The following EFCAB5 variants were observed in gnomAD, a reference collection of about 807,000 sequenced individuals.
The protein encoded by EFCAB5 is EF-hand calcium-binding domain-containing protein 5.
EFCAB5 carries 131 observed loss-of-function variants against 167.9 expected under a neutral mutation model. The observed-to-expected ratio is 0.78, with a 90% confidence interval of 0.68 to 0.90. The LOEUF (loss-of-function observed/expected upper bound fraction) is 0.90. EFCAB5 is among the 40% of genes least tolerant of loss of function. The pLI is 0.00. For missense variants in EFCAB5, 1,663 were observed against 1,745.2 expected, an observed-to-expected ratio of 0.95 and a Z score of 0.84; for synonymous variants, 574 against 602.8, an observed-to-expected ratio of 0.95 and a Z score of 0.70.
intron 22 of EFCAB5, among the ~76,000 whole-genome samples, chr17:30,107,273 T>G (rs895189306): frequency 2.6e-5 from 4 of 152,226 alleles, no homozygotes; most frequent in Non-Finnish European, 4.4e-5. Context: ...AACATGCAAG[T>G]ATAGAGAATA....
chr17:30,092,296 C>A (rs1417758024), intron 21 of EFCAB5, 139 bp downstream of exon 21: 1 of 911,780 alleles, frequency 1.1e-6, no homozygotes. Flanking sequence ...CGTAACCAGA[C>A]CTAGATCAAG....
chr17:29,959,779 T>G (rs988045257), intron 3 of EFCAB5, among the ~76,000 whole-genome samples: 1 of 152,136 alleles, frequency 6.6e-6, no homozygotes, highest in South Asian at 2.1e-4. Flanking sequence ...AGCTACGAGC[T>G]GCACTGTCTG....
intron 4 of EFCAB5, among the ~76,000 whole-genome samples, chr17:29,987,204 G>T (rs534315014): frequency 6.6e-6 from 1 of 152,168 alleles, no homozygotes; most frequent in Admixed American, 6.5e-5. Flanking sequence ...ACACCTTCTT[G>T]ATCTGTCCCC....
At chr17:29,996,597 T>C (rs146171833) in intron 6 of EFCAB5, among the ~76,000 whole-genome samples, 521 of 152,330 alleles carry the variant, frequency 3.4e-3, no homozygotes, top group Admixed American at 9.0e-3. Context: ...TACTCTTTTA[T>C]TATCCTATGA....
At chr17:30,048,541 C>T in intron 8 of EFCAB5, among the ~76,000 whole-genome samples, 1 of 150,406 alleles carries the variant, frequency 6.6e-6, no homozygotes, top group African/African-American at 2.4e-5. Flanking sequence ...GTCACCCAGG[C>T]TGGAGTACAG....
intron 7 of EFCAB5, among the ~76,000 whole-genome samples, chr17:30,024,920 A>G (rs1455368772): frequency 6.6e-6 from 1 of 151,092 alleles, no homozygotes; most frequent in African/African-American, 2.4e-5. Context: ...CCTGAGAAAA[A>G]CAAGCAATGG....
intron 3 of EFCAB5, among the ~76,000 whole-genome samples, chr17:29,953,477 G>A (rs2067553085): frequency 6.6e-6 from 1 of 152,140 alleles, no homozygotes; most frequent in East Asian, 1.9e-4. Context: ...TACAAGATCT[G>A]ATGGTCTTAT....
At chr17:29,979,681 A>G (rs928837044) in intron 4 of EFCAB5, among the ~76,000 whole-genome samples, 5 of 152,060 alleles carry the variant, frequency 3.3e-5, no homozygotes, top group Non-Finnish European at 7.4e-5. Context: ...TACTTTTTCT[A>G]TATATTTCTT....
intron 3 of EFCAB5, among the ~76,000 whole-genome samples, chr17:29,951,592 T>G (rs2067513397): frequency 6.6e-6 from 1 of 152,024 alleles, no homozygotes; most frequent in Admixed American, 6.6e-5. Context: ...CCTGACCTTG[T>G]GATCTGCCCG....
At chr17:29,944,047 A>C (rs1049036401) in intron 3 of EFCAB5, among the ~76,000 whole-genome samples, 1 of 152,172 alleles carries the variant, frequency 6.6e-6, no homozygotes, top group South Asian at 2.1e-4. Flanking sequence ...AAGATTTTGC[A>C]TTTTAAAGAT....
intron 15 of EFCAB5, 63 bp from the exon 16 acceptor site, chr17:30,080,009 G>T: frequency 6.5e-7 from 1 of 1,530,692 alleles, no homozygotes; most frequent in Non-Finnish European, 8.8e-7. Context: ...CTAGTAAGGG[G>T]GACATGATTA....
intron 4 of EFCAB5, among the ~76,000 whole-genome samples, chr17:29,986,866 C>T (rs1307912845): frequency 4.0e-5 from 6 of 151,728 alleles, no homozygotes; most frequent in Non-Finnish European, 2.9e-5. Context: ...CCAGGATGGT[C>T]TCGATCTCCT....
rs546992970 is a variant in EFCAB5 at position 29,956,107 on chromosome 17, A to G, written c.190+12458A>G. 2.6e-5 allele frequency among the ~76,000 whole-genome samples: 4 copies of G among 152,384 alleles called. No individual in the cohort carries two copies. In the East Asian group the frequency reaches 7.7e-4, roughly 29 times the overall value. ...ATAAATGGTGTTGGGATAACTGGCT[A>G]GCCATATGCAGAATATTGAAACAGT... is the stretch of plus-strand genomic sequence containing the variant. On this transcript the variant is annotated intron_variant, in intron 3 of 22. Coordinates refer to ENST00000394835, the MANE Select transcript of EFCAB5 (RefSeq NM_198529.4).
chr17:29,989,760 C>A (rs1396088090), intron 4 of EFCAB5, among the ~76,000 whole-genome samples: 1 of 152,192 alleles, frequency 6.6e-6, no homozygotes, highest in African/African-American at 2.4e-5. Context: ...ACTAAGTCCT[C>A]CAAAGCCTCC....
At position 29,943,616 on chromosome 17, in the gene EFCAB5, G is replaced by T; in HGVS notation, c.157G>T (p.Val53Leu). 6.3e-7 allele frequency: 1 copy of T among 1,585,264 alleles called. No individual in the cohort carries two copies. Among genetic ancestry groups the T allele is most frequent in the Non-Finnish European group, 8.6e-7 (1 of 1,165,168 alleles). Reference protein sequence around the residue: ...VPVKEDTNSVVEKAMDEIKSQ... With the variant: ...VPVKEDTNSVLEKAMDEIKSQ... ...TGTAAAAGAGGACACCAACAGTGTG[G>T]TGGAGAAAGCAATGGATGAAATCAA... Residue 53 changes from valine (V) to leucine (L), a missense_variant, in exon 3 of 23, where the codon GTG (valine) becomes TTG (leucine). Val to Leu is a conservative substitution (Grantham distance 32). Transcript: ENST00000394835.
chr17:30,021,026 T>A (rs79076956), intron 7 of EFCAB5, among the ~76,000 whole-genome samples: 2,052 of 152,170 alleles, frequency 0.013, 62 homozygotes, highest in African/African-American at 0.047. Flanking sequence ...TCTTAATATG[T>A]ATGTAGCTGG....
At position 29,967,593 on chromosome 17, in the gene EFCAB5, A is replaced by G. The variant is rs371851255; in HGVS notation, c.191-1198A>G. On this transcript the variant is annotated intron_variant, in intron 3 of 22. Coordinates refer to ENST00000394835, the MANE Select transcript of EFCAB5 (RefSeq NM_198529.4). The stretch of plus-strand genomic sequence containing the variant: ...AATCAGTTGAATTCCCCTGCTTTAC[A>G]TTTTTCAGAGATCTTCAAAATTCCT... Among the ~76,000 whole-genome samples the G allele has an allele frequency of 5.9e-5, 9 of 152,244 alleles. No individual in the cohort carries two copies. In the South Asian group the frequency reaches 1.7e-3, roughly 28 times the overall value.
intron 7 of EFCAB5, among the ~76,000 whole-genome samples, chr17:30,006,048 T>C (rs1024398489): frequency 2.0e-5 from 3 of 152,244 alleles, no homozygotes; most frequent in Admixed American, 6.5e-5. Flanking sequence ...CTTCCGTGTA[T>C]TGACTTATGT....
At chr17:30,021,748 T>A (rs1279801413) in intron 7 of EFCAB5, among the ~76,000 whole-genome samples, 4 of 152,112 alleles carry the variant, frequency 2.6e-5, no homozygotes, top group Admixed American at 1.3e-4. Flanking sequence ...CATTGGGCCA[T>A]CCCATATGAC....
Sources: gnomAD v4.1 joint callset for allele counts (sites outside exome capture counted in the v4.1 genomes callset) on GRCh38, gnomAD v4.1.1 for gene constraint, MANE v1.5 for transcripts, NCBI Gene and HGNC (gene_info 2026-07-23, HGNC 2026-07-21) for gene names.